The following COLGALT2 variants were observed in gnomAD, a reference collection of about 807,000 sequenced individuals.
The protein encoded by COLGALT2 is collagen beta(1-O)galactosyltransferase 2.
Under a neutral mutation model 73.4 loss-of-function variants are expected in COLGALT2, and 49 were observed. The ratio of observed to expected loss-of-function variants is 0.67; its 90% CI spans 0.53 to 0.85. The LOEUF is 0.85. COLGALT2 is among the 40% of genes least tolerant of loss of function. The pLI, the probability that COLGALT2 is intolerant of heterozygous loss-of-function variation, is 0.00. For missense variants in COLGALT2, 722 were observed against 790.2 expected (o/e 0.91, Z 1.03); for synonymous variants, 295 against 307.6 (o/e 0.96, Z 0.43).
intron 1 of COLGALT2, among the ~76,000 whole-genome samples, chr1:183,990,284 A>C (rs1055993007): frequency 6.6e-6 from 1 of 152,210 alleles, no homozygotes; most frequent in African/African-American, 2.4e-5. Context: ...GTATGTGCTC[A>C]ATAAATATTT....
At chr1:184,028,269 T>C (rs977882370) in intron 1 of COLGALT2, among the ~76,000 whole-genome samples, 1 of 152,208 alleles carries the variant, frequency 6.6e-6, no homozygotes, top group African/African-American at 2.4e-5. Flanking sequence ...TCTAGAAAAT[T>C]CTACCTTTCC....
intron 1 of COLGALT2, among the ~76,000 whole-genome samples, chr1:184,035,048 GC>G (rs1649628719): frequency 6.6e-6 from 1 of 152,194 alleles, no homozygotes; most frequent in South Asian, 2.1e-4. Flanking sequence ...CGCAAGCATG[GC>G]CTTGCACTTC....
chr1:184,020,877 G>C (rs908902231), intron 1 of COLGALT2, among the ~76,000 whole-genome samples: 1 of 152,140 alleles, frequency 6.6e-6, no homozygotes, highest in African/African-American at 2.4e-5. Flanking sequence ...CTTAGATGCA[G>C]TGCTGGCTGT....
At chr1:184,010,815 T>C (rs1163797637) in intron 1 of COLGALT2, among the ~76,000 whole-genome samples, 1 of 152,218 alleles carries the variant, frequency 6.6e-6, no homozygotes. Context: ...CCAAAAGTAC[T>C]GGCCACCTTT....
chr1:183,982,879 C>T (rs1173479570), intron 1 of COLGALT2, among the ~76,000 whole-genome samples: 1 of 152,230 alleles, frequency 6.6e-6, no homozygotes. Flanking sequence ...CACAGGACTT[C>T]TTAAATTCTC....
At chr1:184,030,787 C>T (rs1414855676) in intron 1 of COLGALT2, among the ~76,000 whole-genome samples, 1 of 152,206 alleles carries the variant, frequency 6.6e-6, no homozygotes, top group Non-Finnish European at 1.5e-5. Context: ...AAATACTCCC[C>T]ATGCTCCTTT....
At chr1:183,959,806 T>C (rs373599392) in intron 6 of COLGALT2, among the ~76,000 whole-genome samples, 2 of 152,318 alleles carry the variant, frequency 1.3e-5, no homozygotes, top group East Asian at 3.9e-4. Context: ...CGGTGTGATC[T>C]GGACATTTCT....
intron 1 of COLGALT2, among the ~76,000 whole-genome samples, chr1:184,036,893 C>T (rs1018174277): frequency 6.6e-6 from 1 of 152,186 alleles, no homozygotes; most frequent in African/African-American, 2.4e-5. Flanking sequence ...CACACTGACC[C>T]GCGCGTCCCT....
In COLGALT2 at chr1:183,936,917, C is replaced by G. The variant is rs770167140; in HGVS notation, c.*1844G>C. On this transcript the variant is annotated 3_prime_UTR_variant, in exon 12 of 12. Coordinates refer to ENST00000361927, the MANE Select transcript of COLGALT2 (RefSeq NM_015101.4). ...GCGTCTGGTGGAAGGCAAGCTGCCT[C>G]TTGTCCTAAAGTGGGGACCCGCCCC... is the stretch of plus-strand genomic sequence containing the variant. 1 of 1,231,818 alleles carries G rather than the reference C, an allele frequency of 8.1e-7. No homozygotes were observed. The highest frequency in any genetic ancestry group is 1.5e-5 in the African/African-American group (1 of 64,554). 76.3% of individuals were successfully genotyped at this position (1,231,818 alleles called of 1,614,324 possible).
At chr1:183,934,305 G>T (rs1669904423), downstream of COLGALT2, among the ~76,000 whole-genome samples, 1 of 152,156 alleles carries the variant, frequency 6.6e-6, no homozygotes, top group East Asian at 1.9e-4. Flanking sequence ...CTCCAAGCAG[G>T]TACAAAAGGA....
At chr1:184,032,423 A>G (rs1649541010) in intron 1 of COLGALT2, among the ~76,000 whole-genome samples, 1 of 152,230 alleles carries the variant, frequency 6.6e-6, no homozygotes, top group African/African-American at 2.4e-5. Context: ...ACTCTTTGAG[A>G]CAGGTGTTAC....
At chr1:183,981,137 T>C (rs1435860494) in intron 1 of COLGALT2, among the ~76,000 whole-genome samples, 1 of 152,152 alleles carries the variant, frequency 6.6e-6, no homozygotes, top group Non-Finnish European at 1.5e-5. Context: ...ATTTAGTATA[T>C]GATAAGGGTG....
intron 6 of COLGALT2, among the ~76,000 whole-genome samples, chr1:183,962,368 A>G (rs1276257555): frequency 1.3e-5 from 2 of 151,860 alleles, no homozygotes; most frequent in Non-Finnish European, 1.5e-5. Flanking sequence ...CATGTTGGCC[A>G]GGCTGATCTT....
Position 183,938,773 on chromosome 1 carries a change from C to G in COLGALT2, c.1869G>C (p.Arg623Ser). 1 of 1,614,068 alleles carries G rather than the reference C, an allele frequency of 6.2e-7. No individual in the cohort carries two copies. ...PPTSLDTVPS[R>S]DEL Reference sequence around the variant, plus strand: ...TCCCAGGGAGCCTTCATAGCTCATCCCTTGAAGGCACAGTGTCCAGGGAGG... The same window carrying G: ...TCCCAGGGAGCCTTCATAGCTCATCGCTTGAAGGCACAGTGTCCAGGGAGG... Residue 623 changes from arginine (R) to serine (S), a missense_variant, in exon 12 of 12, where the codon AGG becomes AGC. Arg to Ser is a moderately radical substitution (Grantham distance 110). Transcript: ENST00000361927.
At chr1:183,977,673 T>C (rs1380293999) in intron 2 of COLGALT2, among the ~76,000 whole-genome samples, 1 of 151,428 alleles carries the variant, frequency 6.6e-6, no homozygotes, top group Non-Finnish European at 1.5e-5. Flanking sequence ...GCTGTGGTCT[T>C]AGCTACTCAG....
intron 1 of COLGALT2, among the ~76,000 whole-genome samples, chr1:184,032,083 G>C (rs10911497): frequency 6.6e-6 from 1 of 151,780 alleles, no homozygotes. Flanking sequence ...TTGTAGAGAT[G>C]GAGTTTCACC....
intron 1 of COLGALT2, among the ~76,000 whole-genome samples, chr1:183,992,336 A>C (rs1671651632): frequency 6.6e-6 from 1 of 152,214 alleles, no homozygotes; most frequent in Admixed American, 6.5e-5. Context: ...TGAAGTTTAA[A>C]ACAGAAGGAA....
rs1244264005 is a variant in COLGALT2, at chr1:183,937,790, C to A, written c.*971G>T. ...AATAATTCAAAATATAATGAAAAAACTCTGGCAAGGATAGTTGCTGGCCTG... is the reference window on the plus strand; with the variant it reads ...AATAATTCAAAATATAATGAAAAAAATCTGGCAAGGATAGTTGCTGGCCTG... On this transcript the variant is annotated 3_prime_UTR_variant, in exon 12 of 12. Coordinates refer to ENST00000361927, the MANE Select transcript of COLGALT2 (RefSeq NM_015101.4). 3.0e-6 allele frequency: 3 copies of A among 985,256 alleles called. No individual in the cohort carries two copies. Among genetic ancestry groups the A allele is most frequent in the East Asian group, 1.1e-4 (1 of 8,830 alleles). 61.0% of individuals were successfully genotyped at this position (985,256 alleles called of 1,614,324 possible). A position where few individuals can be genotyped will look rare whatever the true frequency, so the allele number is the denominator to read the frequency against.
In COLGALT2 at chr1:183,987,313, C is replaced by G. The variant is rs568504917; in HGVS notation, c.264-8793G>C. The stretch of plus-strand genomic sequence containing the variant: ...CCTTTTCTTGTCCTTATTGGATTTT[C>G]CAATTCTGTTAAGTTCTTTATTTTG... On this transcript the variant is annotated intron_variant, in intron 1 of 11. Coordinates refer to ENST00000361927, the MANE Select transcript of COLGALT2 (RefSeq NM_015101.4). Among the ~76,000 whole-genome samples the G allele has an allele frequency of 4.6e-5, 7 of 152,226 alleles. No homozygotes were observed. The South Asian group carries it at 1.5e-3, about 32-fold the overall frequency.
Sources: allele counts gnomAD v4.1 joint callset (sites outside exome capture counted in the v4.1 genomes callset), GRCh38; gene constraint gnomAD v4.1.1; transcripts MANE v1.5; gene names NCBI Gene and HGNC (gene_info 2026-07-23, HGNC 2026-07-21).